Variants in ANKRD60 observed in about 807,000 individuals in gnomAD.
ANKRD60 encodes the protein ankyrin repeat domain 60.
In ANKRD60, 24 loss-of-function variants were observed where a neutral mutation model predicts 21.3. That is an observed-to-expected ratio of 1.13 (90% CI 0.82 to 1.59). ANKRD60 has a LOEUF of 1.59. Among genes scored for constraint, ANKRD60 ranks in the 40% most tolerant of loss-of-function variants. The pLI is 0.00. For synonymous variants in ANKRD60, 182 were observed against 199.4 expected (o/e 0.91, Z 0.74); for missense variants, 490 against 466.7 (o/e 1.05, Z -0.46).
chr20:58,216,665 C>T (rs746776067), downstream of ANKRD60, among the ~76,000 whole-genome samples: 6 of 152,214 alleles, frequency 3.9e-5, no homozygotes, highest in African/African-American at 7.2e-5. Context: ...CAGCCACGTA[C>T]ACTGAGTGTA....
intron 3 of ANKRD60, 116 bp from the exon 4 acceptor site, chr20:58,218,921 G>A: frequency 3.2e-6 from 3 of 933,484 alleles, no homozygotes; most frequent in East Asian, 2.7e-5. Flanking sequence ...CCCAGCTCCA[G>A]TACTGCCCTG....
intron 3 of ANKRD60, among the ~76,000 whole-genome samples, chr20:58,220,608 A>C (rs1280934938): frequency 6.6e-6 from 1 of 151,736 alleles, no homozygotes; most frequent in Non-Finnish European, 1.5e-5. Flanking sequence ...AGGCTTGGAG[A>C]AGGGAGAATG....
downstream of ANKRD60, among the ~76,000 whole-genome samples, chr20:58,217,892 A>G (rs1464687042): frequency 6.6e-6 from 1 of 152,158 alleles, no homozygotes; most frequent in Non-Finnish European, 1.5e-5. Flanking sequence ...CCAACGTGTT[A>G]CCTTTCAACA....
exon 2 of ANKRD60, chr20:58,223,149 T>C: frequency 6.4e-7 from 1 of 1,551,508 alleles, no homozygotes; most frequent in Non-Finnish European, 8.7e-7. Flanking sequence ...AACAACATCA[T>C]GGAACTTCAG....
intron 1 of ANKRD60, among the ~76,000 whole-genome samples, chr20:58,225,011 G>C (rs923320622): frequency 1.3e-5 from 2 of 152,168 alleles, no homozygotes; most frequent in Non-Finnish European, 2.9e-5. Context: ...ATTTTGAGGT[G>C]GGTAGGAGAG....
intron 2 of ANKRD60, among the ~76,000 whole-genome samples, chr20:58,222,046 T>C (rs1984266857): frequency 1.3e-5 from 2 of 152,304 alleles, no homozygotes; most frequent in Middle Eastern, 3.4e-3. Context: ...GGGAGGATAC[T>C]CTGCCCTGAT....
chr20:58,228,500 T>G lies in ANKRD60; in HGVS notation c.154A>C (p.Arg52=). 6 of 1,446,958 alleles carry G rather than the reference T, an allele frequency of 4.1e-6. No homozygotes were observed. The highest frequency in any genetic ancestry group is 5.4e-6 in the Non-Finnish European group (6 of 1,109,036). The allele number at this position is 1,446,958 out of a possible 1,614,324, so 89.6% of individuals were successfully genotyped here. Reference sequence around the variant, plus strand: ...GCCCGCGAGTCCGCCGAGCCCACCCTGGGCCCGCCGCACCCCTGAGCCCCG... The same window carrying G: ...GCCCGCGAGTCCGCCGAGCCCACCCGGGGCCCGCCGCACCCCTGAGCCCCG... Residue 52 remains arginine, a synonymous_variant, in exon 1 of 4, where the codon AGG becomes CGG. Coordinates refer to ENST00000457363, the Ensembl canonical transcript of ANKRD60. This position sits in a 1 kb window ranked among gnomAD's most constrained non-coding sequence, Gnocchi z 5.3.
rs921834518 is a variant in ANKRD60 at position 58,228,136 on chromosome 20, G to T, written c.430+88C>A. Reference sequence around the variant, plus strand: ...TGCTTTGACATCTGGGGTTTCTCACGTAAGCAGGCTTCCCTTTGGGAATCC... The same window carrying T: ...TGCTTTGACATCTGGGGTTTCTCACTTAAGCAGGCTTCCCTTTGGGAATCC... On this transcript the variant is annotated intron_variant, in intron 1 of 3. Transcript: ENST00000457363. This position sits in a 1 kb window ranked among gnomAD's most constrained non-coding sequence, Gnocchi z 5.3. 1.5e-6 allele frequency: 2 copies of T among 1,322,878 alleles called. No individual in the cohort carries two copies. The highest frequency in any genetic ancestry group is 2.0e-6 in the Non-Finnish European group (2 of 977,634). 81.9% of individuals were successfully genotyped at this position (1,322,878 alleles called of 1,614,324 possible).
intron 1 of ANKRD60, among the ~76,000 whole-genome samples, chr20:58,225,696 C>T (rs981269522): frequency 3.9e-5 from 6 of 152,202 alleles, no homozygotes; most frequent in African/African-American, 1.2e-4. Flanking sequence ...CTGTCTCCAT[C>T]GCTCCCCAGC....
At chr20:58,220,964 T>C (rs1476801906) in intron 3 of ANKRD60, among the ~76,000 whole-genome samples, 1 of 152,068 alleles carries the variant, frequency 6.6e-6, no homozygotes, top group Non-Finnish European at 1.5e-5. Flanking sequence ...CATTGCAGCA[T>C]CCTAATTTCA....
At chr20:58,221,874 T>A (rs1017417771) in intron 2 of ANKRD60, among the ~76,000 whole-genome samples, 35 of 152,208 alleles carry the variant, frequency 2.3e-4, no homozygotes, top group African/African-American at 8.4e-4. Context: ...GTGACAGTCA[T>A]CTCTTGGAGA....
chr20:58,220,374 C>G (rs760065565), intron 3 of ANKRD60, among the ~76,000 whole-genome samples: 11 of 152,104 alleles, frequency 7.2e-5, no homozygotes, highest in Non-Finnish European at 1.5e-4. Flanking sequence ...CATCTTTTCC[C>G]AAAAATATCC....
intron 3 of ANKRD60, among the ~76,000 whole-genome samples, chr20:58,220,682 TA>T (rs1718114905): frequency 1.9e-5 from 2 of 103,774 alleles, no homozygotes; most frequent in Non-Finnish European, 3.9e-5. Context: ...GGGTTTTTTC[TA>T]GTGTGTGTGT....
In ANKRD60 at chr20:58,228,444, G is replaced by C; in HGVS notation, c.210C>G (p.Arg70=). Residue 70 remains arginine (R), a synonymous_variant, in exon 1 of 4, where the codon CGC becomes CGG. Transcript: ENST00000457363. This position sits in a 1 kb window ranked among gnomAD's most constrained non-coding sequence, Gnocchi z 5.3. ...CACAGACGAGCCGCTGGCTCCGGCC[G>C]CGGGCACAGGCCAGGGGCTGCGCGG... 6.5e-7 allele frequency: 1 copy of C among 1,539,890 alleles called. No individual in the cohort carries two copies. Among genetic ancestry groups the C allele is most frequent in the Non-Finnish European group, 8.7e-7 (1 of 1,146,092 alleles).
chr20:58,218,651 G>A (rs1412581446), exon 4 of ANKRD60: 1 of 1,551,664 alleles, frequency 6.4e-7, no homozygotes, highest in African/African-American at 1.4e-5. Flanking sequence ...GGTTCAGGCG[G>A]TGTGCAATGG....
At chr20:58,221,879 T>C (rs934286008) in intron 2 of ANKRD60, among the ~76,000 whole-genome samples, 8 of 152,186 alleles carry the variant, frequency 5.3e-5, no homozygotes, top group Non-Finnish European at 8.8e-5. Context: ...AGTCATCTCT[T>C]GGAGACCGGA....
Position 58,222,128 on chromosome 20 carries a change from A to G in ANKRD60, c.562-625T>C, listed in dbSNP as rs545248188. Among the ~76,000 whole-genome samples, 72 of 152,322 alleles carry G rather than the reference A, an allele frequency of 4.7e-4. 1 individual carries two copies. The highest frequency in any genetic ancestry group is 2.3e-3 in the South Asian group (11 of 4,822). ...GATGATGGCAATTCTGACAGCCTCA[A>G]ACAGCAGGGAGGTGACCCCTGCAGC... On this transcript the variant is annotated intron_variant, in intron 2 of 3. Transcript: ENST00000457363.
At chr20:58,218,915 G>A (rs1984189738) in intron 3 of ANKRD60, 110 bp from the exon 4 acceptor site, 2 of 1,013,806 alleles carry the variant, frequency 2.0e-6, no homozygotes, top group Non-Finnish European at 2.8e-6. Flanking sequence ...GCCTGGCCCA[G>A]CTCCAGTACT....
rs1188856643 is a variant in ANKRD60, at chr20:58,228,649, G to C, written c.5C>G (p.Thr2Arg). ...CCGCATCCCCCAGGCGCGGCCGCGC[G>C]TCATCCGCGGCTCGAGTGCGGTGGC... The change falls in exon 1 of 4, where the codon ACG becomes AGG. Residue 2 changes from threonine to arginine, a missense_variant. Thr to Arg is a moderately conservative substitution (Grantham distance 71, BLOSUM62 -1). Coordinates refer to ENST00000457363, the Ensembl canonical transcript of ANKRD60. The surrounding 1 kb of genome is among the most constrained non-coding windows in gnomAD (Gnocchi z 5.3). The C allele has an allele frequency of 1.0e-6, 1 of 982,498 alleles. No homozygotes were observed. 60.9% of individuals were successfully genotyped at this position (982,498 alleles called of 1,614,324 possible). A position where few individuals can be genotyped will look rare whatever the true frequency, so the allele number is the denominator to read the frequency against.
Sources: gnomAD v4.1 joint callset for allele counts (sites outside exome capture counted in the v4.1 genomes callset) on GRCh38, gnomAD v4.1.1 for gene constraint, Gnocchi (gnomAD v3.1) non-coding constraint, MANE v1.5 for transcripts, NCBI Gene and HGNC (gene_info 2026-07-23, HGNC 2026-07-21) for gene names.